ZNF236: variants seen among roughly 807,000 people sequenced by gnomAD.
ZNF236 encodes the protein zinc finger protein 236, also known as regulated by glucose.
A neutral mutation model predicts 191.2 loss-of-function variants in ZNF236; 50 were observed. The observed-to-expected ratio is 0.26, with a 90% CI of 0.21 to 0.33. The LOEUF (loss-of-function observed/expected upper bound fraction) is 0.33. Among genes scored for constraint, ZNF236 ranks in the 10% least tolerant of loss-of-function variants. The probability of loss-of-function intolerance (pLI) is 1.00; values close to 1 mark genes in which losing one functional copy is unlikely to be tolerated. For missense variants in ZNF236, 1,754 were observed against 2,374.5 expected (o/e 0.74, Z 5.43); for synonymous variants, 907 against 928.8 (o/e 0.98, Z 0.43).
In ZNF236 at chr18:76,895,189, A is replaced by C; in HGVS notation, c.1594A>C (p.Lys532Gln). 3 of 1,604,328 alleles carry C rather than the reference A, an allele frequency of 1.9e-6. No individual in the cohort carries two copies. The South Asian group carries it at 3.3e-5, about 18-fold the overall frequency. ...GAAGAGCACGCTGACAGCGCACATC[A>C]AGACGCACACCGGCATCAAGGCGTT... ...AVKSTLTAHI[K>Q]THTGIKAFKC... is the part of the protein sequence containing the mutation. Residue 532 changes from lysine to glutamine, a missense_variant, in exon 10 of 31, where the codon AAG becomes CAG. By Grantham distance (53) the Lys-to-Gln change is moderately conservative. Transcript: ENST00000320610.
intron 9 of ZNF236, among the ~76,000 whole-genome samples, chr18:76,883,421 T>C (rs994984785): frequency 1.4e-5 from 2 of 145,820 alleles, no homozygotes; most frequent in Non-Finnish European, 3.0e-5. Context: ...GAGAAAACCA[T>C]TGGGGATTTT....
chr18:76,835,374 A>G (rs748195704), intron 1 of ZNF236, among the ~76,000 whole-genome samples: 4 of 151,938 alleles, frequency 2.6e-5, no homozygotes, highest in Admixed American at 1.3e-4. Flanking sequence ...ACATATATCT[A>G]TTTTTTTCTG....
At chr18:76,935,998 A>G in intron 25 of ZNF236, 1 of 457,172 alleles carries the variant, frequency 2.2e-6, no homozygotes, top group Non-Finnish European at 4.4e-6. Context: ...TCTGTGCAGC[A>G]CAGTGTGGGA....
chr18:76,969,016 A>G lies in ZNF236; in HGVS notation c.*677A>G, dbSNP rs1390555173. On this transcript the variant is annotated 3_prime_UTR_variant, in exon 31 of 31. Coordinates refer to ENST00000320610, the MANE Select transcript of ZNF236 (RefSeq NM_001306089.2). ...GAGTAAACCTGACCCACCAATAAGG[A>G]TTCAGCTGTCCACACGGGCTGGCGA... is the stretch of plus-strand genomic sequence containing the variant. The G allele has an allele frequency of 5.1e-6, 5 of 982,938 alleles. No individual in the cohort carries two copies. The highest frequency in any genetic ancestry group is 6.0e-6 in the Non-Finnish European group (5 of 827,268). 60.9% of individuals were successfully genotyped at this position (982,938 alleles called of 1,614,324 possible).
Position 76,927,012 on chromosome 18 carries a change from ATTCTCT to A in ZNF236, c.4028-12_4028-7del, listed in dbSNP as rs769513458. The A allele has an allele frequency of 6.3e-6, 10 of 1,581,254 alleles. No individual in the cohort carries two copies. Among genetic ancestry groups the A allele is most frequent in the East Asian group, 2.3e-5 (1 of 44,320 alleles). ...TAAGAAGCATTCATAATATTTGATC[ATTCTCT>A]TTCTCTTTCTCTGGCCAGCTGGGGG... On this transcript the variant is annotated intron_variant, in intron 22 of 30. Transcript: ENST00000320610. The surrounding 1 kb of genome is among the most constrained non-coding windows in gnomAD (Gnocchi z 5.4).
intron 19 of ZNF236, 147 bp downstream of exon 19, chr18:76,916,006 T>C: frequency 1.4e-6 from 1 of 722,338 alleles, no homozygotes; most frequent in Non-Finnish European, 2.2e-6. Context: ...TATTTTCTGA[T>C]TATGAAAGCC....
chr18:76,878,199 C>T, intron 7 of ZNF236, 47 bp downstream of exon 7: 1 of 1,522,780 alleles, frequency 6.6e-7, no homozygotes, highest in South Asian at 1.4e-5. Context: ...TAAAATCTGT[C>T]ATTTTAAATA....
At chr18:76,909,410 C>G (rs951986520) in intron 14 of ZNF236, among the ~76,000 whole-genome samples, 1 of 151,498 alleles carries the variant, frequency 6.6e-6, no homozygotes, top group Non-Finnish European at 1.5e-5. Context: ...GAACATCTTT[C>G]AAGTGTACAT....
At chr18:76,860,928 G>T (rs1976200875) in intron 3 of ZNF236, among the ~76,000 whole-genome samples, 1 of 152,156 alleles carries the variant, frequency 6.6e-6, no homozygotes. Flanking sequence ...CATGGAAGAG[G>T]CTTTGCTGAA....
chr18:76,859,475 A>G (rs1976151156), intron 3 of ZNF236, among the ~76,000 whole-genome samples: 2 of 152,166 alleles, frequency 1.3e-5, no homozygotes, highest in African/African-American at 4.8e-5. Context: ...CTTAATAGTT[A>G]TTTGAAAGAC....
At chr18:76,834,766 C>T in intron 1 of ZNF236, 1 of 457,280 alleles carries the variant, frequency 2.2e-6, no homozygotes. Flanking sequence ...GAACATTGTA[C>T]TTGTCTCTTA....
chr18:76,966,050 G>A (rs1484779907), intron 30 of ZNF236, among the ~76,000 whole-genome samples: 1 of 152,204 alleles, frequency 6.6e-6, no homozygotes, highest in African/African-American at 2.4e-5. Context: ...TCCTTGGGCG[G>A]GTCTTGCTGT....
chr18:76,948,530 T>G (rs1001125099), intron 27 of ZNF236, among the ~76,000 whole-genome samples: 5 of 152,150 alleles, frequency 3.3e-5, no homozygotes, highest in African/African-American at 1.2e-4. Context: ...TGGTTGTGGT[T>G]TATACTTGTG....
At chr18:76,930,681 G>C (rs550878119) in intron 25 of ZNF236, among the ~76,000 whole-genome samples, 21 of 152,234 alleles carry the variant, frequency 1.4e-4, no homozygotes, top group African/African-American at 4.8e-4. Flanking sequence ...CCCAGTGGAG[G>C]GCAGGGAGGG....
At chr18:76,920,954 A>G (rs765234340) in intron 20 of ZNF236, among the ~76,000 whole-genome samples, 5 of 152,370 alleles carry the variant, frequency 3.3e-5, no homozygotes, top group Non-Finnish European at 7.3e-5. Flanking sequence ...TGTATATAAC[A>G]GGGATGCTTA....
intron 1 of ZNF236, among the ~76,000 whole-genome samples, chr18:76,843,194 G>A (rs528436254): frequency 6.6e-6 from 1 of 152,304 alleles, no homozygotes; most frequent in Non-Finnish European, 1.5e-5. Context: ...TTGAGGTGGA[G>A]AGCATGAGCC....
chr18:76,911,936 CAGTA>C (rs942660493), intron 16 of ZNF236, among the ~76,000 whole-genome samples: 1 of 151,952 alleles, frequency 6.6e-6, no homozygotes, highest in African/African-American at 2.4e-5. Context: ...TATTCACTGT[CAGTA>C]AGAGTAGAGC....
At chr18:76,847,715 C>T (rs994875590) in intron 1 of ZNF236, among the ~76,000 whole-genome samples, 12 of 152,192 alleles carry the variant, frequency 7.9e-5, no homozygotes, top group African/African-American at 2.2e-4. Flanking sequence ...GTGTTCCACC[C>T]GCCTTGGCCT....
chr18:76,836,437 A>G (rs971563806), intron 1 of ZNF236, among the ~76,000 whole-genome samples: 14 of 151,456 alleles, frequency 9.2e-5, no homozygotes, highest in African/African-American at 3.4e-4. Flanking sequence ...GTTGCCCTTA[A>G]ACGCCTGGCC....
Sources: allele counts gnomAD v4.1 joint callset (sites outside exome capture counted in the v4.1 genomes callset), GRCh38; gene constraint gnomAD v4.1.1; non-coding constraint Gnocchi (gnomAD v3.1); transcripts MANE v1.5; gene names NCBI Gene and HGNC (gene_info 2026-07-23, HGNC 2026-07-21).